Variants in NOSIP observed in about 807,000 individuals in gnomAD.
NOSIP encodes the protein nitric oxide synthase-interacting protein.
In NOSIP, 25 loss-of-function variants were observed where a neutral mutation model predicts 36.4. The ratio of observed to expected loss-of-function variants is 0.69; its 90% CI spans 0.50 to 0.96. The LOEUF (loss-of-function observed/expected upper bound fraction) is 0.96, where lower values mean the gene tolerates loss of function less well. Ranked by LOEUF, NOSIP falls within the 40% of genes least tolerant of loss-of-function variation. The pLI is 0.00. For synonymous variants in NOSIP, 187 were observed against 179.2 expected (o/e 1.04, Z -0.35); for missense variants, 370 against 429.0 (o/e 0.86, Z 1.21).
intron 1 of NOSIP, among the ~76,000 whole-genome samples, chr19:49,571,269 AACC>A (rs2080480718): frequency 6.6e-6 from 1 of 151,838 alleles, no homozygotes; most frequent in South Asian, 2.1e-4. Context: ...TACGGGCATG[AACC>A]ACTGCACCCG....
At position 49,560,118 on chromosome 19, in the gene NOSIP, C is replaced by A; in HGVS notation, c.71-79G>T. On this transcript the variant is annotated intron_variant, in intron 2 of 8. Coordinates refer to ENST00000596358, the MANE Select transcript of NOSIP (RefSeq NM_001270960.2). The surrounding 1 kb of genome is among the most constrained non-coding windows in gnomAD (Gnocchi z 4.6). ...CCGTCTCCAAAGCCCCAGAGAGAGG[C>A]ACAGAGACAACGCGGTGGTGGGGGT... 1 of 937,776 alleles carries A rather than the reference C, an allele frequency of 1.1e-6. No individual in the cohort carries two copies. The highest frequency in any genetic ancestry group is 1.6e-6 in the Non-Finnish European group (1 of 607,166). The allele number at this position is 937,776 out of a possible 1,614,324, so 58.1% of individuals were successfully genotyped here.
chr19:49,555,967 C>A, intron 8 of NOSIP, 145 bp from the exon 9 acceptor site: 1 of 631,704 alleles, frequency 1.6e-6, no homozygotes, highest in South Asian at 1.8e-5. Flanking sequence ...GGCGAGGCGA[C>A]CGCAGTGGGT....
chr19:49,560,781 C>A lies in NOSIP; in HGVS notation c.-1-89G>T. 1.0e-6 allele frequency: 1 copy of A among 999,774 alleles called. No homozygotes were observed. 61.9% of individuals were successfully genotyped at this position (999,774 alleles called of 1,614,324 possible). Reference sequence around the variant, plus strand: ...CTGCAGCCCTCAGAGCTGATCTGCCCCCCTTGATGGGAAAGCGGAGGCGGA... The same window carrying A: ...CTGCAGCCCTCAGAGCTGATCTGCCACCCTTGATGGGAAAGCGGAGGCGGA... On this transcript the variant is annotated intron_variant, in intron 1 of 8. Coordinates refer to ENST00000596358, the MANE Select transcript of NOSIP (RefSeq NM_001270960.2). The surrounding 1 kb of genome is among the most constrained non-coding windows in gnomAD (Gnocchi z 4.6).
chr19:49,577,280 G>A lies in NOSIP; in HGVS notation c.-2+3235C>T, dbSNP rs957193583. 5.3e-5 allele frequency among the ~76,000 whole-genome samples: 8 copies of A among 152,014 alleles called. No individual in the cohort carries two copies. The South Asian group carries it at 1.0e-3, about 20-fold the overall frequency. On this transcript the variant is annotated intron_variant, in intron 1 of 8. Coordinates refer to ENST00000596358, the MANE Select transcript of NOSIP (RefSeq NM_001270960.2). ...AATAAAAACATACATCCATGCAGGC[G>A]GGGCGCGGTGGCTCATGCCTGTAAT...
chr19:49,561,915 C>T (rs999797901), intron 1 of NOSIP, among the ~76,000 whole-genome samples: 1 of 151,740 alleles, frequency 6.6e-6, no homozygotes, highest in Non-Finnish European at 1.5e-5. Context: ...TTGCCTAAGC[C>T]AAGATAATGC....
chr19:49,579,989 C>T (rs889539888), intron 1 of NOSIP, among the ~76,000 whole-genome samples: 1 of 149,462 alleles, frequency 6.7e-6, no homozygotes, highest in Non-Finnish European at 1.5e-5. Context: ...GACCCCGAAG[C>T]TCCACACAAG....
intron 1 of NOSIP, among the ~76,000 whole-genome samples, chr19:49,565,395 T>A (rs1165043524): frequency 6.6e-6 from 1 of 151,972 alleles, no homozygotes; most frequent in Non-Finnish European, 1.5e-5. Flanking sequence ...CATGGGTGTG[T>A]TTGCTCTGAA....
chr19:49,569,612 A>G (rs919425909), intron 1 of NOSIP, among the ~76,000 whole-genome samples: 1 of 148,244 alleles, frequency 6.7e-6, no homozygotes, highest in Non-Finnish European at 1.5e-5. Flanking sequence ...TTTTGAGACC[A>G]GCCTGGCCAA....
intron 4 of NOSIP, chr19:49,558,031 C>G: frequency 1.6e-6 from 1 of 639,848 alleles, no homozygotes; most frequent in South Asian, 6.9e-5. Flanking sequence ...GGGGGACAGA[C>G]CCACTGTGCC....
intron 1 of NOSIP, among the ~76,000 whole-genome samples, chr19:49,572,406 C>CT (rs35209614): frequency 0.034 from 3,373 of 97,872 alleles, 141 homozygotes; most frequent in African/African-American, 0.058. Flanking sequence ...TGCACCCAGC[C>CT]TTTTTTTTTT....
intron 1 of NOSIP, among the ~76,000 whole-genome samples, chr19:49,578,937 TAAAAAA>T (rs572426945): frequency 1.4e-5 from 2 of 144,684 alleles, no homozygotes; most frequent in Non-Finnish European, 3.0e-5. Context: ...TTTAAATACT[TAAAAAA>T]AAAAAGAAAG....
At chr19:49,579,669 T>C (rs931092130) in intron 1 of NOSIP, among the ~76,000 whole-genome samples, 4 of 152,324 alleles carry the variant, frequency 2.6e-5, no homozygotes, top group African/African-American at 7.2e-5. Flanking sequence ...TGTTTGATTG[T>C]AGATTCACGA....
At chr19:49,563,563 A>G (rs1186600829) in intron 1 of NOSIP, among the ~76,000 whole-genome samples, 1 of 150,852 alleles carries the variant, frequency 6.6e-6, no homozygotes, top group African/African-American at 2.4e-5. Flanking sequence ...GCACGATCTC[A>G]GCTCACTACA....
intron 1 of NOSIP, among the ~76,000 whole-genome samples, chr19:49,564,302 AAGTT>A (rs1365372237): frequency 2.0e-5 from 3 of 151,748 alleles, no homozygotes; most frequent in Non-Finnish European, 2.9e-5. Context: ...AAAATACAAA[AAGTT>A]AGCTGGTCGT....
intron 3 of NOSIP, chr19:49,559,289 C>G (rs980249765): frequency 3.3e-5 from 10 of 302,064 alleles, no homozygotes; most frequent in African/African-American, 1.7e-4. Flanking sequence ...ACAATGTGTG[C>G]CACATATTGT....
intron 1 of NOSIP, among the ~76,000 whole-genome samples, chr19:49,566,443 G>A (rs2080409189): frequency 6.6e-6 from 1 of 152,076 alleles, no homozygotes; most frequent in Non-Finnish European, 1.5e-5. Flanking sequence ...CAAGTAGCTG[G>A]GAATACAGGC....
intron 1 of NOSIP, among the ~76,000 whole-genome samples, chr19:49,580,289 TGA>T (rs565885266): frequency 3.5e-5 from 5 of 142,580 alleles, no homozygotes; most frequent in African/African-American, 1.3e-4. Context: ...GAGTTTATAG[TGA>T]GAGAGAGAGA....
At chr19:49,570,591 A>G (rs1331802093) in intron 1 of NOSIP, among the ~76,000 whole-genome samples, 2 of 151,932 alleles carry the variant, frequency 1.3e-5, no homozygotes, top group East Asian at 1.9e-4. Flanking sequence ...CTGCTTGCAG[A>G]AGGGCGACCT....
chr19:49,555,754 G>A lies in NOSIP; in HGVS notation c.903C>T (p.Ala301=). ...QAEKSRPVMQ[A] ...TTATTTGGTCTCCCGCACACACTCA[G>A]GCCTGCATCACCGGCCGTGATTTCT... Residue 301 remains alanine, a synonymous_variant, in exon 9 of 9, where the codon GCC becomes GCT. Coordinates refer to ENST00000596358, the MANE Select transcript of NOSIP (RefSeq NM_001270960.2). 1 of 1,613,400 alleles carries A rather than the reference G, an allele frequency of 6.2e-7. No individual in the cohort carries two copies. The highest frequency in any genetic ancestry group is 1.3e-5 in the African/African-American group (1 of 75,044).
Sources: gnomAD v4.1 joint callset for allele counts (sites outside exome capture counted in the v4.1 genomes callset) on GRCh38, gnomAD v4.1.1 for gene constraint, Gnocchi (gnomAD v3.1) non-coding constraint, MANE v1.5 for transcripts, NCBI Gene and HGNC (gene_info 2026-07-23, HGNC 2026-07-21) for gene names.